The following NAA35 variants were observed in gnomAD, a reference collection of about 807,000 sequenced individuals.
NAA35 encodes N-alpha-acetyltransferase 35, NatC auxiliary subunit.
NAA35 carries 18 observed loss-of-function variants against 101.7 expected under a neutral mutation model. The ratio of observed to expected loss-of-function variants is 0.18; its 90% CI spans 0.12 to 0.26. The LOEUF is 0.26. Ranked by LOEUF, NAA35 falls within the 10% of genes least tolerant of loss-of-function variation. The pLI is 1.00. For synonymous variants in NAA35, 267 were observed against 273.1 expected, an observed-to-expected ratio of 0.98 and a Z score of 0.22; for missense variants, 601 against 886.8, an observed-to-expected ratio of 0.68 and a Z score of 4.09.
chr9:86,004,647 T>C (rs946475768), intron 13 of NAA35, among the ~76,000 whole-genome samples: 1 of 152,160 alleles, frequency 6.6e-6, no homozygotes, highest in Non-Finnish European at 1.5e-5. Context: ...TTTGAAAATA[T>C]TCATGAAGTC....
At chr9:85,985,416 T>C (rs1478300915) in intron 11 of NAA35, among the ~76,000 whole-genome samples, 1 of 152,216 alleles carries the variant, frequency 6.6e-6, no homozygotes, top group Admixed American at 6.5e-5. Context: ...TGGTGTATTA[T>C]TTGTCAACAA....
At chr9:85,996,374 T>A (rs1257415776) in intron 11 of NAA35, 25 bp from the exon 12 acceptor site, 1 of 1,528,346 alleles carries the variant, frequency 6.5e-7, no homozygotes, top group Non-Finnish European at 8.8e-7. Flanking sequence ...GTTGAAAAAT[T>A]TTACTTTCAT....
At chr9:85,947,556 T>C (rs1240662879) in intron 2 of NAA35, among the ~76,000 whole-genome samples, 4 of 152,212 alleles carry the variant, frequency 2.6e-5, no homozygotes, top group Admixed American at 6.5e-5. Flanking sequence ...TGGATCACTT[T>C]AGATTAGTGG....
chr9:86,010,824 G>T (rs904667354), intron 15 of NAA35, among the ~76,000 whole-genome samples: 1 of 150,798 alleles, frequency 6.6e-6, no homozygotes, highest in Non-Finnish European at 1.5e-5. Flanking sequence ...TGATCCACCC[G>T]CCTTGGCCTC....
intron 2 of NAA35, among the ~76,000 whole-genome samples, chr9:85,954,487 A>G (rs1268890489): frequency 1.3e-5 from 2 of 152,314 alleles, no homozygotes; most frequent in East Asian, 3.9e-4. Context: ...CCACATCCTC[A>G]TAACACTTAT....
chr9:85,955,140 C>A (rs1307605049), intron 2 of NAA35, among the ~76,000 whole-genome samples: 1 of 151,294 alleles, frequency 6.6e-6, no homozygotes, highest in Admixed American at 6.6e-5. Flanking sequence ...TGGTCTCAAA[C>A]TCCAGACCTC....
At position 86,013,823 on chromosome 9, in the gene NAA35, C is replaced by G. The variant is rs751581333; in HGVS notation, c.1494C>G (p.Arg498=). The part of the protein sequence containing the change: ...LGTWVLYHNL[R]IMIQYLLSGF... ...CCTGGGTCCTTTACCATAACCTTCG[C>G]ATTATGATACAGTACCTTCTAAGTG... Residue 498 remains arginine (R), a synonymous_variant, in exon 17 of 23, where the codon CGC becomes CGG. Transcript: ENST00000361671. The G allele has an allele frequency of 6.6e-5, 106 of 1,613,840 alleles. 1 individual carries two copies. The highest frequency in any genetic ancestry group is 8.1e-5 in the Non-Finnish European group (96 of 1,179,856).
At chr9:86,010,248 C>T (rs931185878) in intron 15 of NAA35, among the ~76,000 whole-genome samples, 1 of 150,556 alleles carries the variant, frequency 6.6e-6, no homozygotes, top group African/African-American at 2.5e-5. Context: ...TCTCAATAAC[C>T]ATAATAATAA....
chr9:85,986,979 G>C (rs1830676933), intron 11 of NAA35: 1 of 155,716 alleles, frequency 6.4e-6, no homozygotes, highest in South Asian at 1.9e-4. Context: ...GAGAGCTGAT[G>C]AGCCAAAAAA....
At chr9:85,977,474 T>C (rs1830263124) in intron 10 of NAA35, 28 bp downstream of exon 10, 1 of 1,502,602 alleles carries the variant, frequency 6.7e-7, no homozygotes, top group Non-Finnish European at 9.2e-7. Context: ...AATATGTCTA[T>C]TTGTTTTAGT....
chr9:86,006,766 T>C (rs1343534910), intron 13 of NAA35, among the ~76,000 whole-genome samples: 2 of 152,162 alleles, frequency 1.3e-5, no homozygotes, highest in Admixed American at 6.5e-5. Flanking sequence ...GTTAGACTTA[T>C]AACTGTACAA....
chr9:86,015,641 T>C (rs1023705720), intron 17 of NAA35: 1 of 757,272 alleles, frequency 1.3e-6, no homozygotes, highest in Non-Finnish European at 1.6e-6. Context: ...TTGAGAACCA[T>C]TGGTATAGAA....
At chr9:86,010,028 A>G in intron 15 of NAA35, 97 bp downstream of exon 15, 1 of 889,904 alleles carries the variant, frequency 1.1e-6, no homozygotes, top group Non-Finnish European at 1.9e-6. Flanking sequence ...AGGCAGGTGG[A>G]TCACCTGAGG....
At chr9:85,978,186 T>C in intron 10 of NAA35, 81 bp from the exon 11 acceptor site, 2 of 846,564 alleles carry the variant, frequency 2.4e-6, no homozygotes, top group Non-Finnish European at 2.0e-6. Context: ...AATTTCATTA[T>C]TGTTTATAGG....
chr9:85,943,396 G>A (rs535159133), intron 2 of NAA35, among the ~76,000 whole-genome samples: 3 of 152,244 alleles, frequency 2.0e-5, no homozygotes, highest in Middle Eastern at 3.4e-3. Flanking sequence ...CTGATGGCTT[G>A]TATTGTCTCA....
At chr9:85,963,842 TATC>T (rs1438441340) in intron 6 of NAA35, among the ~76,000 whole-genome samples, 1 of 152,222 alleles carries the variant, frequency 6.6e-6, no homozygotes, top group Non-Finnish European at 1.5e-5. Context: ...AAAGTTACTT[TATC>T]ATCATTTCAT....
intron 6 of NAA35, among the ~76,000 whole-genome samples, chr9:85,971,730 G>A (rs928012250): frequency 6.6e-6 from 1 of 151,974 alleles, no homozygotes. Context: ...ACCATCACCT[G>A]CTTAGACCAA....
rs758389985 is a variant in NAA35, at chr9:86,003,576, ATC to A, written c.1057-7_1057-6del. The A allele has an allele frequency of 1.2e-5, 19 of 1,564,036 alleles. No individual in the cohort carries two copies. The highest frequency in any genetic ancestry group is 1.2e-5 in the Non-Finnish European group (14 of 1,142,672). ...TAATGACATTGCTTTTTCTTTATATATCTGTTAGGATTTTTTCTGTGAATTTA... is the reference window on the plus strand; with the variant it reads ...TAATGACATTGCTTTTTCTTTATATATGTTAGGATTTTTTCTGTGAATTTA... On this transcript the variant is annotated splice_region_variant and splice_polypyrimidine_tract_variant and intron_variant, in intron 12 of 22. Coordinates refer to ENST00000361671, the MANE Select transcript of NAA35 (RefSeq NM_024635.4).
At chr9:85,978,606 G>A (rs186244420) in intron 11 of NAA35, among the ~76,000 whole-genome samples, 14 of 152,248 alleles carry the variant, frequency 9.2e-5, no homozygotes, top group African/African-American at 3.1e-4. Context: ...CTTGGAATAT[G>A]TATCCTGTCT....
Sources: allele counts gnomAD v4.1 joint callset (sites outside exome capture counted in the v4.1 genomes callset), GRCh38; gene constraint gnomAD v4.1.1; transcripts MANE v1.5; gene names NCBI Gene and HGNC (gene_info 2026-07-23, HGNC 2026-07-21).